Variants in ROBO1 observed in about 807,000 individuals in gnomAD.
ROBO1 encodes roundabout guidance receptor 1, also known as roundabout homolog 1.
ROBO1 carries 149 observed loss-of-function variants against 195.9 expected under a neutral mutation model. That is an observed-to-expected ratio of 0.76 (90% confidence interval 0.67 to 0.87). ROBO1 has a LOEUF of 0.87. Among genes scored for constraint, ROBO1 ranks in the 40% least tolerant of loss-of-function variants. The pLI, the probability that ROBO1 is intolerant of heterozygous loss-of-function variation, is 0.00. For missense variants in ROBO1, 1,933 were observed against 2,068.3 expected (o/e 0.93, Z 1.27); for synonymous variants, 816 against 733.2 (o/e 1.11, Z -1.82).
At chr3:79,286,455 C>T (rs1485235531) in intron 2 of ROBO1, among the ~76,000 whole-genome samples, 1 of 152,108 alleles carries the variant, frequency 6.6e-6, no homozygotes, top group Non-Finnish European at 1.5e-5. Flanking sequence ...CAAAAAGATG[C>T]CAATGTTCCC....
intron 4 of ROBO1, among the ~76,000 whole-genome samples, chr3:78,928,727 G>T (rs2039346198): frequency 6.6e-6 from 1 of 152,150 alleles, no homozygotes; most frequent in African/African-American, 2.4e-5. Flanking sequence ...GAGTCAACGA[G>T]ATTGCAACCT....
intron 1 of ROBO1, among the ~76,000 whole-genome samples, chr3:79,653,405 C>G (rs926873537): frequency 6.6e-6 from 1 of 151,884 alleles, no homozygotes; most frequent in South Asian, 2.1e-4. Flanking sequence ...CTAAAAACCT[C>G]TCTCATATTT....
At position 78,673,605 on chromosome 3, in the gene ROBO1, T is replaced by TACAC. The variant is rs1553699011; in HGVS notation, c.1343-3308_1343-3305dup. ...ATATATATATATATATATATATATA[T>TACAC]ACACACATATATTACAGCAGGGTTA... On this transcript the variant is annotated intron_variant, in intron 10 of 30. Transcript: ENST00000464233. Among the ~76,000 whole-genome samples the TACAC allele has an allele frequency of 5.7e-3, 303 of 53,224 alleles. 1 individual carries two copies. The highest frequency in any genetic ancestry group is 0.03 in the East Asian group (42 of 1,386). 34.9% of individuals were successfully genotyped at this position (53,224 alleles called of 152,430 possible).
intron 4 of ROBO1, among the ~76,000 whole-genome samples, chr3:78,821,951 A>ATTCT (rs2031023829): frequency 6.6e-6 from 1 of 152,102 alleles, no homozygotes; most frequent in Non-Finnish European, 1.5e-5. Flanking sequence ...ATGAGCAGAT[A>ATTCT]GATTATCATT....
intron 1 of ROBO1, among the ~76,000 whole-genome samples, chr3:79,682,155 C>T (rs6793544): frequency 2.6e-5 from 4 of 151,650 alleles, no homozygotes; most frequent in African/African-American, 7.3e-5. Flanking sequence ...AAATTCCTAA[C>T]GGGCATATAG....
At chr3:79,587,210 G>C (rs986889218) in intron 2 of ROBO1, among the ~76,000 whole-genome samples, 1 of 151,206 alleles carries the variant, frequency 6.6e-6, no homozygotes, top group Non-Finnish European at 1.5e-5. Flanking sequence ...TATTATACAG[G>C]GAGACAAAAT....
At chr3:78,676,550 C>T (rs1326219159) in intron 10 of ROBO1, among the ~76,000 whole-genome samples, 14 of 152,048 alleles carry the variant, frequency 9.2e-5, no homozygotes, top group East Asian at 3.9e-4. Flanking sequence ...GGAGCCGATG[C>T]GATCAACTGG....
chr3:79,723,826 AAAT>A (rs1702802024), intron 1 of ROBO1, among the ~76,000 whole-genome samples: 5 of 152,196 alleles, frequency 3.3e-5, no homozygotes, highest in African/African-American at 9.6e-5. Context: ...TTTCAGTAAC[AAAT>A]ATTATCTTTA....
intron 1 of ROBO1, among the ~76,000 whole-genome samples, chr3:79,703,235 G>A (rs1456885628): frequency 6.6e-6 from 1 of 151,608 alleles, no homozygotes; most frequent in Non-Finnish European, 1.5e-5. Flanking sequence ...GTCTTAAAAT[G>A]TATTATTTCT....
intron 2 of ROBO1, among the ~76,000 whole-genome samples, chr3:79,279,293 A>C (rs1372830529): frequency 1.3e-5 from 2 of 152,020 alleles, no homozygotes; most frequent in African/African-American, 4.8e-5. Context: ...AAACAAAAAA[A>C]CAAAAACAAC....
chr3:79,406,558 TTG>T (rs1035447231), intron 2 of ROBO1, among the ~76,000 whole-genome samples: 2 of 151,390 alleles, frequency 1.3e-5, no homozygotes, highest in Non-Finnish European at 3.0e-5. Context: ...AAGAGATGCA[TTG>T]TGTGTGTGTG....
At chr3:78,725,197 T>G (rs956847044) in intron 5 of ROBO1, among the ~76,000 whole-genome samples, 1 of 152,106 alleles carries the variant, frequency 6.6e-6, no homozygotes, top group Admixed American at 6.5e-5. Flanking sequence ...TAGACAGTGC[T>G]TAAAGAGGCC....
chr3:78,978,400 G>C (rs1423416828), intron 3 of ROBO1, among the ~76,000 whole-genome samples: 2 of 152,006 alleles, frequency 1.3e-5, no homozygotes, highest in Non-Finnish European at 2.9e-5. Context: ...ACATTTGTTT[G>C]AAATGCTGAG....
At position 78,692,421 on chromosome 3, in the gene ROBO1, C is replaced by A. The variant is rs1454513240; in HGVS notation, c.1046-3649G>T. Among the ~76,000 whole-genome samples the A allele has an allele frequency of 2.6e-5, 4 of 151,972 alleles. 1 individual carries two copies. The East Asian group carries it at 7.7e-4, about 29-fold the overall frequency. On this transcript the variant is annotated intron_variant, in intron 8 of 30. Transcript: ENST00000464233. ...AGTAGCTGGGATTACAGGTGTGCGC[C>A]ATCACATCTGGCTGACTTTTGTATT...
chr3:79,006,012 T>A (rs189784576), intron 3 of ROBO1, among the ~76,000 whole-genome samples: 3 of 152,218 alleles, frequency 2.0e-5, no homozygotes, highest in African/African-American at 7.2e-5. Flanking sequence ...TTTCTTAACA[T>A]GTAATTCATA....
At chr3:79,751,302 T>A (rs1201448745) in intron 1 of ROBO1, among the ~76,000 whole-genome samples, 1 of 152,194 alleles carries the variant, frequency 6.6e-6, no homozygotes, top group Non-Finnish European at 1.5e-5. Flanking sequence ...TGAATACATG[T>A]AAATTCAGTT....
intron 5 of ROBO1, among the ~76,000 whole-genome samples, chr3:78,732,051 T>C (rs2082297883): frequency 6.6e-6 from 1 of 152,114 alleles, no homozygotes; most frequent in Non-Finnish European, 1.5e-5. Flanking sequence ...TTTTCCTATA[T>C]TTTGGATTAG....
intron 5 of ROBO1, among the ~76,000 whole-genome samples, chr3:78,721,496 A>G (rs2082043590): frequency 6.6e-6 from 1 of 152,174 alleles, no homozygotes; most frequent in South Asian, 2.1e-4. Flanking sequence ...AAGTCTCTGG[A>G]TATTTAGGAG....
chr3:79,621,135 C>T (rs1198561246), intron 1 of ROBO1, among the ~76,000 whole-genome samples: 2 of 152,092 alleles, frequency 1.3e-5, no homozygotes, highest in Non-Finnish European at 2.9e-5. Flanking sequence ...ACCCTGATAC[C>T]ATCAGTCTCC....
Sources: allele counts gnomAD v4.1 joint callset (sites outside exome capture counted in the v4.1 genomes callset), GRCh38; gene constraint gnomAD v4.1.1; transcripts MANE v1.5; gene names NCBI Gene and HGNC (gene_info 2026-07-23, HGNC 2026-07-21).